Variants in ABHD18 observed in about 807,000 individuals in gnomAD.
ABHD18 encodes abhydrolase domain containing 18.
In ABHD18, 55 loss-of-function variants were observed where a neutral mutation model predicts 65.9. The ratio of observed to expected loss-of-function variants is 0.84; its 90% CI spans 0.67 to 1.05. ABHD18 has a LOEUF of 1.05. ABHD18 is among the 50% of genes least tolerant of loss of function. The pLI is 0.00. For missense variants in ABHD18, 533 were observed against 558.5 expected, an observed-to-expected ratio of 0.95 and a Z score of 0.46; for synonymous variants, 181 against 180.2, an observed-to-expected ratio of 1.00 and a Z score of -0.04.
At chr4:128,032,546 G>A (rs1368935994) in intron 12 of ABHD18, among the ~76,000 whole-genome samples, 5 of 152,098 alleles carry the variant, frequency 3.3e-5, no homozygotes, top group South Asian at 2.1e-4. Flanking sequence ...TTAGCTGGGC[G>A]TGGTGGGCAC....
chr4:127,977,831 C>T (rs1748247632), intron 1 of ABHD18, among the ~76,000 whole-genome samples: 1 of 151,958 alleles, frequency 6.6e-6, no homozygotes, highest in South Asian at 2.1e-4. Flanking sequence ...GAAAAGGAAT[C>T]TTATGGTAGT....
At chr4:127,983,175 G>A in intron 2 of ABHD18, 128 bp downstream of exon 2, 1 of 583,706 alleles carries the variant, frequency 1.7e-6, no homozygotes, top group East Asian at 3.2e-5. Context: ...TATGTAAAAT[G>A]TAATTATTTC....
chr4:128,017,729 A>C (rs1471004554), intron 8 of ABHD18, among the ~76,000 whole-genome samples: 1 of 152,204 alleles, frequency 6.6e-6, no homozygotes, highest in Non-Finnish European at 1.5e-5. Context: ...TAGATTTAAC[A>C]GAAATTAATT....
chr4:127,971,986 T>C (rs1288799158), intron 1 of ABHD18, among the ~76,000 whole-genome samples: 3 of 152,140 alleles, frequency 2.0e-5, no homozygotes, highest in Non-Finnish European at 2.9e-5. Flanking sequence ...CTCATCCTTC[T>C]GACCGACTTG....
At chr4:127,980,738 T>G (rs1748877824) in intron 1 of ABHD18, among the ~76,000 whole-genome samples, 1 of 150,624 alleles carries the variant, frequency 6.6e-6, no homozygotes, top group South Asian at 2.1e-4. Context: ...GACAGGAGAA[T>G]TGCTTGAACC....
At chr4:127,968,134 C>G (rs943651915) in intron 1 of ABHD18, among the ~76,000 whole-genome samples, 1 of 152,162 alleles carries the variant, frequency 6.6e-6, no homozygotes, top group South Asian at 2.1e-4. Context: ...GGGGTGAACC[C>G]GGGAGGCGGA....
rs147487429 is a variant in ABHD18 at position 128,006,486 on chromosome 4, C to G, written c.279-2434C>G. On this transcript the variant is annotated intron_variant, in intron 4 of 12. Transcript: ENST00000645843. ...AATTCTTAAACCATTCTAAATTTAT[C>G]TGTCTTTGTTCTATTCAGCAATTTA... Among the ~76,000 whole-genome samples, 381 of 152,248 alleles carry G rather than the reference C, an allele frequency of 2.5e-3. 3 individuals are homozygous for G. Among genetic ancestry groups the G allele is most frequent in the African/African-American group, 8.9e-3 (369 of 41,546 alleles).
intron 12 of ABHD18, among the ~76,000 whole-genome samples, chr4:128,034,660 T>C (rs1479361359): frequency 6.6e-6 from 1 of 151,168 alleles, no homozygotes; most frequent in African/African-American, 2.4e-5. Flanking sequence ...TTTTCTTTCT[T>C]TTTTTTTTGA....
At position 128,012,542 on chromosome 4, in the gene ABHD18, G is replaced by A. The variant is rs185246702; in HGVS notation, c.470+842G>A. ...GTGGGAGATAGATAACAATAAATAA[G>A]GTGATTTCAGATATTTATCAATGAC... On this transcript the variant is annotated intron_variant, in intron 7 of 12. Transcript: ENST00000645843. Among the ~76,000 whole-genome samples the A allele has an allele frequency of 1.6e-4, 25 of 152,190 alleles. No individual in the cohort carries two copies. The East Asian group carries it at 4.4e-3, about 27-fold the overall frequency.
rs578245052 is a variant in ABHD18 at position 128,001,836 on chromosome 4, G to T, written c.279-7084G>T. 89 of 1,301,050 alleles carry T rather than the reference G, an allele frequency of 6.8e-5. 1 individual carries two copies. In the African/African-American group the frequency reaches 8.4e-4, roughly 12 times the overall value. The allele number at this position is 1,301,050 out of a possible 1,614,324, so 80.6% of individuals were successfully genotyped here. On this transcript the variant is annotated intron_variant, in intron 4 of 12. Transcript: ENST00000645843. ...CCTTAGTGGTTAGATGTTGAGTTTT[G>T]TTTTGTTTTGTTTTTTTTTTTAATT... is the stretch of plus-strand genomic sequence containing the variant.
rs751399511 is a variant in ABHD18, at chr4:128,035,787, C to T, written c.1369C>T (p.Arg457Cys). ...ACAAGCCATCTATGATGCATTTGAC[C>T]GCTTCCTCCATAAATACGCTAACTA... ...FRQAIYDAFD[R>C]FLHKYAN Residue 457 changes from arginine to cysteine, a missense_variant, in exon 13 of 13, where the codon CGC becomes TGC. Arg to Cys is a radical substitution (Grantham distance 180, BLOSUM62 -3). This residue lies in a region of ABHD18 where 220 missense variants were observed against 226.8 expected (regional missense o/e 0.97). Coordinates refer to ENST00000645843, the MANE Select transcript of ABHD18 (RefSeq NM_001358451.3). 11 of 1,536,070 alleles carry T rather than the reference C, an allele frequency of 7.2e-6. No homozygotes were observed. Among genetic ancestry groups the T allele is most frequent in the African/African-American group, 1.4e-5 (1 of 72,824 alleles).
chr4:127,967,422 C>T (rs1745834047), intron 1 of ABHD18, among the ~76,000 whole-genome samples: 1 of 152,054 alleles, frequency 6.6e-6, no homozygotes, highest in Non-Finnish European at 1.5e-5. Flanking sequence ...AATGGCAAAG[C>T]GGCAAGAAGA....
At chr4:127,977,588 C>T (rs962052188) in intron 1 of ABHD18, among the ~76,000 whole-genome samples, 1 of 150,436 alleles carries the variant, frequency 6.6e-6, no homozygotes, top group Non-Finnish European at 1.5e-5. Context: ...ATGCATAGAA[C>T]TTTCTTTATG....
chr4:128,017,350 T>C lies in ABHD18; in HGVS notation c.471-13T>C, dbSNP rs764814885. On this transcript the variant is annotated splice_polypyrimidine_tract_variant and intron_variant, in intron 7 of 12. Transcript: ENST00000645843. ...ATAAAATAATCATTTTCTATTTTGT[T>C]TTGTGAGGCTAGAAGGTCCAGCTTA... 1.9e-6 allele frequency: 3 copies of C among 1,605,332 alleles called. No individual in the cohort carries two copies. The highest frequency in any genetic ancestry group is 2.5e-6 in the Non-Finnish European group (3 of 1,177,804).
At chr4:128,013,084 A>AG (rs1754853607) in intron 7 of ABHD18, among the ~76,000 whole-genome samples, 1 of 151,306 alleles carries the variant, frequency 6.6e-6, no homozygotes, top group Non-Finnish European at 1.5e-5. Context: ...AAAAAAAAAA[A>AG]AAGACAAGGA....
Position 127,965,622 on chromosome 4 carries a change from G to C in ABHD18, c.-18+16G>C. The C allele has an allele frequency of 4.4e-6, 1 of 228,418 alleles. No individual in the cohort carries two copies. The highest frequency in any genetic ancestry group is 5.2e-5 in the South Asian group (1 of 19,150). The allele number at this position is 228,418 out of a possible 1,614,324, so 14.1% of individuals were successfully genotyped here. A position where few individuals can be genotyped will look rare whatever the true frequency, so the allele number is the denominator to read the frequency against. ...CTGGCGGCCAGTAAGTAGCCGGTCC[G>C]GTTAAGTAGTAGGTGCGCTAAGAGC... On this transcript the variant is annotated intron_variant, in intron 1 of 12. Transcript: ENST00000645843.
chr4:127,999,072 A>G (rs1032067536), intron 4 of ABHD18, among the ~76,000 whole-genome samples: 1 of 151,322 alleles, frequency 6.6e-6, no homozygotes, highest in Non-Finnish European at 1.5e-5. Flanking sequence ...ATATATATAT[A>G]TTTTTAAAAA....
At chr4:128,025,046 C>T (rs1040796698) in intron 10 of ABHD18, among the ~76,000 whole-genome samples, 7 of 152,064 alleles carry the variant, frequency 4.6e-5, no homozygotes, top group Non-Finnish European at 7.4e-5. Flanking sequence ...ATAATTCAAG[C>T]ATCAAAAAGT....
chr4:127,994,519 G>A (rs1323077716), intron 4 of ABHD18, among the ~76,000 whole-genome samples: 2 of 152,096 alleles, frequency 1.3e-5, no homozygotes, highest in African/African-American at 4.8e-5. Flanking sequence ...CCTGGAAGGC[G>A]AAGGTTGCAG....
Sources: allele counts gnomAD v4.1 joint callset (sites outside exome capture counted in the v4.1 genomes callset), GRCh38; gene constraint gnomAD v4.1.1; regional missense constraint gnomAD v4.1.1; transcripts MANE v1.5; gene names NCBI Gene and HGNC (gene_info 2026-07-23, HGNC 2026-07-21).